WDPCP: variants seen among roughly 807,000 people sequenced by gnomAD.
WDPCP encodes WD repeat containing planar cell polarity effector.
Under a neutral mutation model 93.1 loss-of-function variants are expected in WDPCP, and 71 were observed. The observed-to-expected ratio is 0.76, with a 90% CI of 0.63 to 0.93. The LOEUF is 0.93. WDPCP is among the 40% of genes least tolerant of loss of function. WDPCP has a pLI of 0.00. For missense variants in WDPCP, 844 were observed against 887.4 expected (o/e 0.95, Z 0.62); for synonymous variants, 315 against 315.0 (o/e 1.00, Z 0.00).
chr2:63,538,316 T>A (rs970955304), intron 1 of WDPCP, among the ~76,000 whole-genome samples: 1 of 152,098 alleles, frequency 6.6e-6, no homozygotes, highest in Middle Eastern at 3.2e-3. Context: ...AAAATAAAAA[T>A]TGACTTACTC....
intron 2 of WDPCP, among the ~76,000 whole-genome samples, chr2:63,690,438 C>CTG (rs1259950082): frequency 6.6e-6 from 1 of 152,124 alleles, no homozygotes; most frequent in Non-Finnish European, 1.5e-5. Context: ...TCCTAGCCTT[C>CTG]TGTAGTTCAG....
chr2:63,347,863 T>G (rs1689307910), intron 12 of WDPCP, among the ~76,000 whole-genome samples: 1 of 151,878 alleles, frequency 6.6e-6, no homozygotes, highest in African/African-American at 2.4e-5. Flanking sequence ...ACTTCTGTCA[T>G]TTTGGACCTT....
chr2:63,367,731 A>T (rs937852868), intron 12 of WDPCP, among the ~76,000 whole-genome samples: 2 of 152,184 alleles, frequency 1.3e-5, no homozygotes, highest in African/African-American at 4.8e-5. Context: ...TTTAGAAAAA[A>T]CATAAGTGTT....
intron 14 of WDPCP, among the ~76,000 whole-genome samples, chr2:63,198,226 T>A (rs1281731517): frequency 6.6e-6 from 1 of 152,254 alleles, no homozygotes; most frequent in Non-Finnish European, 1.5e-5. Flanking sequence ...TGATTTGAAC[T>A]GCTTTTATCA....
chr2:63,726,541 G>A (rs188856901), intron 2 of WDPCP, among the ~76,000 whole-genome samples: 119 of 151,966 alleles, frequency 7.8e-4, no homozygotes, highest in East Asian at 2.9e-3. Flanking sequence ...TTTTCATTCC[G>A]TATGATTTTA....
At chr2:63,546,691 C>T (rs1183745951) in intron 1 of WDPCP, among the ~76,000 whole-genome samples, 1 of 152,064 alleles carries the variant, frequency 6.6e-6, no homozygotes. Context: ...AGAATAATTA[C>T]AAGATCATTC....
At chr2:63,730,137 G>A (rs1017011914) in intron 2 of WDPCP, among the ~76,000 whole-genome samples, 3 of 152,008 alleles carry the variant, frequency 2.0e-5, no homozygotes, top group African/African-American at 7.3e-5. Flanking sequence ...AATTCCAAGC[G>A]ACATTTGTAT....
intron 12 of WDPCP, among the ~76,000 whole-genome samples, chr2:63,371,198 A>C (rs747652532): frequency 5.3e-5 from 8 of 152,158 alleles, no homozygotes; most frequent in Non-Finnish European, 1.0e-4. Flanking sequence ...AAACACTTGA[A>C]GTCATGCTTG....
intron 9 of WDPCP, among the ~76,000 whole-genome samples, chr2:63,407,068 G>A (rs1292355324): frequency 1.3e-5 from 2 of 152,260 alleles, no homozygotes; most frequent in Non-Finnish European, 2.9e-5. Context: ...AAAGCATATA[G>A]ATATCCTAAA....
At chr2:63,604,762 T>A (rs1460144229) in intron 3 of WDPCP, 1 of 1,614,062 alleles carries the variant, frequency 6.2e-7, no homozygotes, top group Admixed American at 1.7e-5. Flanking sequence ...AAACCATTCC[T>A]CGACTCAGTA....
intron 2 of WDPCP, among the ~76,000 whole-genome samples, chr2:63,789,441 C>A (rs960169586): frequency 6.6e-6 from 1 of 152,174 alleles, no homozygotes; most frequent in Non-Finnish European, 1.5e-5. Context: ...CTGTTTCTAT[C>A]AACCCAAGGG....
At chr2:63,290,538 G>A (rs1684338355) in intron 13 of WDPCP, among the ~76,000 whole-genome samples, 1 of 152,032 alleles carries the variant, frequency 6.6e-6, no homozygotes, top group South Asian at 2.1e-4. Flanking sequence ...GTAGAGACGA[G>A]TTTTCATCTG....
intron 13 of WDPCP, among the ~76,000 whole-genome samples, chr2:63,295,254 G>A (rs146492328): frequency 2.6e-5 from 4 of 151,916 alleles, no homozygotes; most frequent in South Asian, 2.1e-4. Context: ...AAAAAAAGCT[G>A]TATGGTATAA....
At chr2:63,676,432 C>A (rs1710404112) in intron 2 of WDPCP, among the ~76,000 whole-genome samples, 1 of 152,120 alleles carries the variant, frequency 6.6e-6, no homozygotes, top group Non-Finnish European at 1.5e-5. Context: ...AACAGTGAAC[C>A]AGAAACAGAC....
intron 17 of WDPCP, among the ~76,000 whole-genome samples, chr2:63,152,631 T>C (rs1207967207): frequency 1.3e-5 from 2 of 152,204 alleles, no homozygotes; most frequent in African/African-American, 4.8e-5. Context: ...CTGAATCATT[T>C]TGAGTCAACT....
intron 9 of WDPCP, among the ~76,000 whole-genome samples, chr2:63,408,430 G>A (rs1694766091): frequency 6.6e-6 from 1 of 152,128 alleles, no homozygotes; most frequent in Admixed American, 6.5e-5. Context: ...AAGGCCCTGG[G>A]AGCTCACTAT....
chr2:63,209,998 A>G (rs1676641331), intron 14 of WDPCP, among the ~76,000 whole-genome samples: 1 of 152,154 alleles, frequency 6.6e-6, no homozygotes, highest in Non-Finnish European at 1.5e-5. Context: ...GGTTGGTGGC[A>G]TTATACAGAT....
chr2:63,607,071 A>G (rs1709547577), intron 3 of WDPCP: 3 of 1,321,326 alleles, frequency 2.3e-6, no homozygotes, highest in East Asian at 2.4e-5. Context: ...TAATAATGCT[A>G]TACTTAAATT....
At chr2:63,191,314 C>G (rs1016691867) in intron 14 of WDPCP, among the ~76,000 whole-genome samples, 3 of 152,074 alleles carry the variant, frequency 2.0e-5, no homozygotes, top group Non-Finnish European at 1.5e-5. Context: ...ATGGCGTGAA[C>G]CCGGGAGGCG....
Sources: gnomAD v4.1 joint callset for allele counts (sites outside exome capture counted in the v4.1 genomes callset) on GRCh38, gnomAD v4.1.1 for gene constraint, MANE v1.5 for transcripts, NCBI Gene and HGNC (gene_info 2026-07-23, HGNC 2026-07-21) for gene names.